The following AGBL4 variants were observed in gnomAD, a reference collection of about 807,000 sequenced individuals.
AGBL4 encodes the protein cytosolic carboxypeptidase 6.
A neutral mutation model predicts 66.4 loss-of-function variants in AGBL4; 58 were observed. The ratio of observed to expected loss-of-function variants is 0.87; its 90% CI spans 0.71 to 1.09. AGBL4 has a LOEUF of 1.09. AGBL4 is among the 50% of genes least tolerant of loss of function. AGBL4 has a pLI of 0.00. For synonymous variants in AGBL4, 234 were observed against 222.9 expected (o/e 1.05, Z -0.44); for missense variants, 579 against 631.0 (o/e 0.92, Z 0.88).
rs114906250 is a variant in AGBL4, at chr1:49,898,762, T to C, written c.35-47244A>G. Reference sequence around the variant, plus strand: ...GGATAAAGAAAAAGTGGTACTTATATACAATAAAGTACTATCCAGCCATAA... The same window carrying C: ...GGATAAAGAAAAAGTGGTACTTATACACAATAAAGTACTATCCAGCCATAA... On this transcript the variant is annotated intron_variant, in intron 1 of 13. Transcript: ENST00000371839. 6.2e-3 allele frequency among the ~76,000 whole-genome samples: 943 copies of C among 152,266 alleles called. 16 individuals are homozygous for C. The highest frequency in any genetic ancestry group is 0.022 in the African/African-American group (912 of 41,568).
chr1:48,740,306 G>C lies in AGBL4; in HGVS notation c.635-77065C>G, dbSNP rs559071111. On this transcript the variant is annotated intron_variant, in intron 6 of 13. Transcript: ENST00000371839. ...GCAGAACAGACTGGTGAGAGTACTG[G>C]CCTGGGAACCAGGAGGTCTGGCTTT... Among the ~76,000 whole-genome samples, 12 of 152,322 alleles carry C rather than the reference G, an allele frequency of 7.9e-5. No homozygotes were observed. The South Asian group carries it at 2.3e-3, about 29-fold the overall frequency.
chr1:49,519,967 C>T (rs1650126466), intron 3 of AGBL4, among the ~76,000 whole-genome samples: 1 of 151,976 alleles, frequency 6.6e-6, no homozygotes, highest in South Asian at 2.1e-4. Context: ...TAAGGGAAGT[C>T]AGAAGTGAGG....
chr1:49,076,630 C>A (rs2147947089), intron 4 of AGBL4, among the ~76,000 whole-genome samples: 1 of 152,318 alleles, frequency 6.6e-6, no homozygotes, highest in Middle Eastern at 3.4e-3. Context: ...TTGCAGTAAT[C>A]CCCATAGCAT....
intron 5 of AGBL4, among the ~76,000 whole-genome samples, chr1:48,947,420 G>A (rs879290229): frequency 6.6e-6 from 1 of 152,190 alleles, no homozygotes; most frequent in Non-Finnish European, 1.5e-5. Context: ...CAAAGATGGG[G>A]TAGAGAATGG....
At chr1:48,846,352 G>GTGAAAGAAAGA (rs1646909186) in intron 6 of AGBL4, among the ~76,000 whole-genome samples, 1 of 116,118 alleles carries the variant, frequency 8.6e-6, no homozygotes, top group African/African-American at 3.2e-5. Flanking sequence ...GAAAAGAAAG[G>GTGAAAGAAAGA]AGAAAGAAAG....
At chr1:48,982,014 A>G (rs191914426) in intron 5 of AGBL4, among the ~76,000 whole-genome samples, 51 of 152,286 alleles carry the variant, frequency 3.3e-4, no homozygotes, top group African/African-American at 1.2e-3. Context: ...GAAGCATGAC[A>G]AAGAGCTCAC....
intron 5 of AGBL4, among the ~76,000 whole-genome samples, chr1:48,875,932 G>A (rs1168595343): frequency 6.6e-6 from 1 of 152,140 alleles, no homozygotes; most frequent in Non-Finnish European, 1.5e-5. Context: ...CGTGACAGCA[G>A]TTAGTTGTGA....
chr1:48,700,323 G>T (rs1411191449), intron 6 of AGBL4, among the ~76,000 whole-genome samples: 1 of 152,184 alleles, frequency 6.6e-6, no homozygotes, highest in Non-Finnish European at 1.5e-5. Context: ...TGTCCATGAT[G>T]CTCCTTGTGC....
intron 2 of AGBL4, among the ~76,000 whole-genome samples, chr1:49,824,596 A>G (rs948365174): frequency 6.6e-6 from 1 of 152,264 alleles, no homozygotes; most frequent in African/African-American, 2.4e-5. Flanking sequence ...TTAGGGCTTC[A>G]GAGAAGGCTT....
At chr1:49,908,749 G>A (rs1474980229) in intron 1 of AGBL4, among the ~76,000 whole-genome samples, 1 of 152,068 alleles carries the variant, frequency 6.6e-6, no homozygotes, top group Non-Finnish European at 1.5e-5. Flanking sequence ...GTGACAGAAT[G>A]AGACCCTGTA....
intron 2 of AGBL4, among the ~76,000 whole-genome samples, chr1:49,716,558 A>C (rs1648155691): frequency 6.6e-6 from 1 of 152,106 alleles, no homozygotes; most frequent in Non-Finnish European, 1.5e-5. Context: ...ATCCACAAGC[A>C]CATCAAAAAG....
intron 2 of AGBL4, among the ~76,000 whole-genome samples, chr1:49,789,170 C>T (rs1195406991): frequency 2.0e-5 from 3 of 152,174 alleles, no homozygotes; most frequent in African/African-American, 7.2e-5. Context: ...TTGAACCAGC[C>T]TTGCATCCCA....
At chr1:49,859,848 GAAGTTACTAAA>G (rs1175473629) in intron 1 of AGBL4, among the ~76,000 whole-genome samples, 7 of 151,904 alleles carry the variant, frequency 4.6e-5, no homozygotes, top group Non-Finnish European at 1.0e-4. Context: ...AAATCACAAA[GAAGTTACTAAA>G]AAGTTACTAG....
chr1:49,090,189 C>G (rs1435888025), intron 4 of AGBL4, among the ~76,000 whole-genome samples: 3 of 152,080 alleles, frequency 2.0e-5, no homozygotes, highest in African/African-American at 7.2e-5. Context: ...GATAAGAATG[C>G]TCACTCTCAC....
intron 3 of AGBL4, among the ~76,000 whole-genome samples, chr1:49,516,066 C>A (rs1190569797): frequency 6.7e-6 from 1 of 150,272 alleles, no homozygotes; most frequent in African/African-American, 2.4e-5. Context: ...TCAAGACTGC[C>A]CCCCCCCACA....
intron 6 of AGBL4, among the ~76,000 whole-genome samples, chr1:48,751,483 GC>G (rs759316865): frequency 6.6e-6 from 1 of 152,192 alleles, no homozygotes; most frequent in Non-Finnish European, 1.5e-5. Context: ...TGGGTGTGTG[GC>G]CTCAGGCAAG....
intron 5 of AGBL4, among the ~76,000 whole-genome samples, chr1:48,994,001 A>G (rs1449846202): frequency 6.6e-6 from 1 of 152,176 alleles, no homozygotes; most frequent in African/African-American, 2.4e-5. Context: ...TTTTTTGTGT[A>G]GATAGCTGTT....
chr1:49,053,651 G>A (rs1644259749), intron 4 of AGBL4, among the ~76,000 whole-genome samples: 1 of 152,014 alleles, frequency 6.6e-6, no homozygotes, highest in Non-Finnish European at 1.5e-5. Context: ...TTATGCTAGG[G>A]TATAACATAA....
chr1:49,313,791 CA>C (rs1272044705), intron 3 of AGBL4, among the ~76,000 whole-genome samples: 1 of 152,092 alleles, frequency 6.6e-6, no homozygotes, highest in African/African-American at 2.4e-5. Flanking sequence ...GGATAGATTG[CA>C]AAAATTTTCT....
Sources: allele counts gnomAD v4.1 joint callset (sites outside exome capture counted in the v4.1 genomes callset), GRCh38; gene constraint gnomAD v4.1.1; transcripts MANE v1.5; gene names NCBI Gene and HGNC (gene_info 2026-07-23, HGNC 2026-07-21).